Variants in GALNTL6 observed in about 807,000 individuals in gnomAD.
GALNTL6 encodes the protein polypeptide N-acetylgalactosaminyltransferase like 6, also known as polypeptide N-acetylgalactosaminyltransferase-like 6.
A neutral mutation model predicts 73.7 loss-of-function variants in GALNTL6; 46 were observed. The ratio of observed to expected loss-of-function variants is 0.62; its 90% confidence interval spans 0.49 to 0.80. GALNTL6 has a LOEUF of 0.80. Ranked by LOEUF, GALNTL6 falls within the 30% of genes least tolerant of loss-of-function variation. The pLI is 0.00. For synonymous variants in GALNTL6, 259 were observed against 263.7 expected, an observed-to-expected ratio of 0.98 and a Z score of 0.17; for missense variants, 604 against 755.0, an observed-to-expected ratio of 0.80 and a Z score of 2.34.
chr4:172,586,559 G>T (rs886281118), intron 5 of GALNTL6, among the ~76,000 whole-genome samples: 1 of 152,154 alleles, frequency 6.6e-6, no homozygotes, highest in Non-Finnish European at 1.5e-5. Flanking sequence ...GGGCGGTGGG[G>T]AGTGAGACAT....
intron 3 of GALNTL6, among the ~76,000 whole-genome samples, chr4:172,309,076 TTG>T (rs1159724184): frequency 2.0e-5 from 1 of 50,058 alleles, no homozygotes; most frequent in Admixed American, 2.7e-4. Flanking sequence ...AAGATGAAAT[TTG>T]TTTTTTTTTG....
intron 2 of GALNTL6, among the ~76,000 whole-genome samples, chr4:172,220,782 A>G (rs1736645679): frequency 6.6e-6 from 1 of 151,828 alleles, no homozygotes; most frequent in Admixed American, 6.6e-5. Flanking sequence ...TAAAATCATC[A>G]CTTCAGAAGC....
chr4:171,988,136 A>G (rs185479779), intron 2 of GALNTL6, among the ~76,000 whole-genome samples: 31 of 152,318 alleles, frequency 2.0e-4, no homozygotes, highest in Middle Eastern at 3.4e-3. Context: ...CATGAGGGCT[A>G]GGCTAAAACA....
At chr4:171,845,503 G>A (rs749969835) in intron 2 of GALNTL6, among the ~76,000 whole-genome samples, 22 of 152,136 alleles carry the variant, frequency 1.4e-4, no homozygotes, top group Non-Finnish European at 2.9e-4. Flanking sequence ...GGATTTCATA[G>A]TCTAACTCCC....
chr4:172,244,278 T>C (rs1737550109), intron 3 of GALNTL6, among the ~76,000 whole-genome samples: 1 of 151,950 alleles, frequency 6.6e-6, no homozygotes, highest in South Asian at 2.1e-4. Flanking sequence ...TGTCTAAAAT[T>C]AGAACACAAC....
chr4:172,156,540 A>AGTATATATATATATAT (rs58197299), intron 2 of GALNTL6, among the ~76,000 whole-genome samples: 6 of 125,164 alleles, frequency 4.8e-5, no homozygotes, highest in African/African-American at 1.4e-4. Flanking sequence ...ATATATATAT[A>AGTATATATATATATAT]ATATATATAT....
In GALNTL6 at chr4:172,931,194, C is replaced by A. The variant is rs1748318266; in HGVS notation, c.1075C>A (p.Pro359Thr). The A allele has an allele frequency of 6.2e-7, 1 of 1,611,040 alleles. No homozygotes were observed. Among genetic ancestry groups the A allele is most frequent in the Non-Finnish European group, 8.5e-7 (1 of 1,177,252 alleles). Residue 359 changes from proline to threonine, a missense_variant, in exon 9 of 13, where the codon CCA becomes ACA. Physicochemically the swap from Pro to Thr is conservative, Grantham distance 38 (BLOSUM62 -1). Coordinates refer to ENST00000506823, the MANE Select transcript of GALNTL6 (RefSeq NM_001034845.3). The part of the protein sequence containing the change: ...WMCGGEMFDV[P>T]CSRVGHIYRK... ...GTGTGGAGGAGAAATGTTTGATGTT[C>A]CATGTTCTAGAGTTGGTCATATCTA...
intron 5 of GALNTL6, among the ~76,000 whole-genome samples, chr4:172,375,781 C>G (rs1286193645): frequency 6.6e-6 from 1 of 152,066 alleles, no homozygotes; most frequent in Non-Finnish European, 1.5e-5. Flanking sequence ...CAAAGAGGAC[C>G]AAGAAAAATC....
intron 5 of GALNTL6, among the ~76,000 whole-genome samples, chr4:172,358,041 T>G (rs1277000765): frequency 6.6e-6 from 1 of 152,132 alleles, no homozygotes; most frequent in African/African-American, 2.4e-5. Context: ...GAAAAAAAGA[T>G]TTTCCTTTTA....
chr4:172,915,590 C>T (rs537596468), intron 8 of GALNTL6, among the ~76,000 whole-genome samples: 169 of 152,290 alleles, frequency 1.1e-3, no homozygotes, highest in Non-Finnish European at 3.4e-4. Context: ...CACAGAAATA[C>T]AAACTACCAT....
At chr4:172,371,991 A>G (rs536796562) in intron 5 of GALNTL6, among the ~76,000 whole-genome samples, 19 of 152,296 alleles carry the variant, frequency 1.2e-4, no homozygotes, top group South Asian at 1.0e-3. Flanking sequence ...TGCTATCTGT[A>G]TACACATTTA....
chr4:172,033,640 A>T (rs967567791), intron 2 of GALNTL6, among the ~76,000 whole-genome samples: 1 of 152,138 alleles, frequency 6.6e-6, no homozygotes, highest in African/African-American at 2.4e-5. Flanking sequence ...AGTTGAAAAA[A>T]AATCCAATCA....
intron 2 of GALNTL6, among the ~76,000 whole-genome samples, chr4:172,017,895 C>T (rs1741259554): frequency 6.6e-6 from 1 of 151,548 alleles, no homozygotes; most frequent in South Asian, 2.1e-4. Context: ...CAGGCACCTG[C>T]TCTGCTAGAG....
chr4:172,837,077 T>C (rs1579547291), intron 7 of GALNTL6, among the ~76,000 whole-genome samples: 1 of 152,294 alleles, frequency 6.6e-6, no homozygotes, highest in African/African-American at 2.4e-5. Context: ...AATTCTACAA[T>C]AGCTCTCAGT....
intron 2 of GALNTL6, among the ~76,000 whole-genome samples, chr4:172,038,066 C>T (rs1402599931): frequency 6.6e-6 from 1 of 151,260 alleles, no homozygotes; most frequent in East Asian, 2.0e-4. Context: ...TGCAGTGAGC[C>T]GAGATCGTGC....
chr4:172,296,099 G>T (rs2077377006), intron 3 of GALNTL6, among the ~76,000 whole-genome samples: 1 of 152,016 alleles, frequency 6.6e-6, no homozygotes, highest in African/African-American at 2.4e-5. Context: ...TATGACATTT[G>T]CTGTATTTTC....
intron 8 of GALNTL6, among the ~76,000 whole-genome samples, chr4:172,888,723 T>C (rs529939950): frequency 5.3e-5 from 8 of 152,334 alleles, no homozygotes; most frequent in African/African-American, 1.9e-4. Flanking sequence ...TTGCTTAGGA[T>C]TGCCTTGGCT....
intron 4 of GALNTL6, among the ~76,000 whole-genome samples, chr4:172,316,557 A>G (rs1385489450): frequency 1.3e-5 from 2 of 152,220 alleles, no homozygotes; most frequent in Admixed American, 6.5e-5. Flanking sequence ...TGTCAAAGCC[A>G]TGAAGCTAAA....
chr4:172,755,562 A>T (rs1737707328), intron 5 of GALNTL6, among the ~76,000 whole-genome samples: 1 of 152,178 alleles, frequency 6.6e-6, no homozygotes, highest in Admixed American at 6.5e-5. Context: ...AGAACCTTTT[A>T]TCTTGGAATT....
Sources: allele counts gnomAD v4.1 joint callset (sites outside exome capture counted in the v4.1 genomes callset), GRCh38; gene constraint gnomAD v4.1.1; transcripts MANE v1.5; gene names NCBI Gene and HGNC (gene_info 2026-07-23, HGNC 2026-07-21).